Variants in C1orf141 observed in about 807,000 individuals in gnomAD.
C1orf141 encodes the protein chromosome 1 open reading frame 141, also known as uncharacterized protein C1orf141.
In C1orf141, 19 loss-of-function variants were observed where a neutral mutation model predicts 23.2. The observed-to-expected ratio is 0.82, with a 90% CI of 0.57 to 1.20. C1orf141 has a LOEUF of 1.20. C1orf141 is among the 50% of genes most tolerant of loss of function. The pLI is 0.00. For synonymous variants in C1orf141, 153 were observed against 154.6 expected (o/e 0.99, Z 0.08); for missense variants, 469 against 455.1 (o/e 1.03, Z -0.28).
At chr1:67,126,540 G>A (rs1250480271) in intron 3 of C1orf141, among the ~76,000 whole-genome samples, 2 of 152,222 alleles carry the variant, frequency 1.3e-5, no homozygotes, top group East Asian at 3.8e-4. Flanking sequence ...TCTGCCAATA[G>A]ATGGAGCACT....
chr1:67,113,945 A>C (rs1212729789), intron 5 of C1orf141, among the ~76,000 whole-genome samples: 1 of 152,224 alleles, frequency 6.6e-6, no homozygotes, highest in Non-Finnish European at 1.5e-5. Context: ...GGAGAAGATA[A>C]GAACTCAGAT....
At chr1:67,109,137 C>A (rs144988878) in intron 5 of C1orf141, among the ~76,000 whole-genome samples, 2,262 of 152,036 alleles carry the variant, frequency 0.015, 45 homozygotes, top group Middle Eastern at 0.027. Flanking sequence ...ACCATCCTGG[C>A]TAACACGGTG....
In C1orf141 at chr1:67,108,101, C is replaced by T. The variant is rs192205190; in HGVS notation, c.346+7251G>A. 4.6e-3 allele frequency among the ~76,000 whole-genome samples: 701 copies of T among 152,290 alleles called. 5 individuals carry two copies. Among genetic ancestry groups the T allele is most frequent in the Middle Eastern group, 0.01 (3 of 294 alleles). On this transcript the variant is annotated intron_variant, in intron 5 of 7. Transcript: ENST00000684719. ...TGGAAAAATTAACCCCATCTTCATT[C>T]TTAAATATCACAAATAAAAATGTAC...
At chr1:67,114,069 A>G (rs959496604) in intron 5 of C1orf141, among the ~76,000 whole-genome samples, 26 of 152,156 alleles carry the variant, frequency 1.7e-4, no homozygotes, top group Admixed American at 1.3e-4. Context: ...AAAGCTGACC[A>G]AAGGTCCAAA....
chr1:67,137,749 G>A (rs1646598169), upstream of C1orf141, among the ~76,000 whole-genome samples: 1 of 152,194 alleles, frequency 6.6e-6, no homozygotes. Context: ...AGAAGGCAAG[G>A]GCAAAGGCCG....
chr1:67,100,633 T>A (rs1645775952), intron 5 of C1orf141, among the ~76,000 whole-genome samples: 1 of 152,172 alleles, frequency 6.6e-6, no homozygotes, highest in African/African-American at 2.4e-5. Context: ...CTCTCTTTGC[T>A]AAGGAATTTT....
intron 5 of C1orf141, among the ~76,000 whole-genome samples, chr1:67,097,186 C>T (rs538608771): frequency 2.0e-5 from 3 of 151,882 alleles, no homozygotes; most frequent in South Asian, 4.2e-4. Flanking sequence ...TACTAAGACC[C>T]CCATCTCAAA....
chr1:67,109,433 T>C (rs944658552), intron 5 of C1orf141, among the ~76,000 whole-genome samples: 2 of 150,894 alleles, frequency 1.3e-5, no homozygotes, highest in Non-Finnish European at 2.9e-5. Flanking sequence ...AGTAGGCTTA[T>C]AGGTAACAGG....
At chr1:67,123,790 T>A (rs901497619) in intron 4 of C1orf141, 1 of 152,238 alleles carries the variant, frequency 6.6e-6, no homozygotes, top group Admixed American at 6.5e-5. Context: ...CACGGTTTCA[T>A]CAATGGTGGC....
chr1:67,092,410 CTTTTA>C lies in C1orf141; in HGVS notation c.*590_*594del, dbSNP rs1459779952. The C allele has an allele frequency of 6.6e-6, 1 of 152,128 alleles. No individual in the cohort carries two copies. The highest frequency in any genetic ancestry group is 6.5e-5 in the Admixed American group (1 of 15,272). 9.4% of individuals were successfully genotyped at this position (152,128 alleles called of 1,614,324 possible). A position where few individuals can be genotyped will look rare whatever the true frequency, so the allele number is the denominator to read the frequency against. Reference sequence around the variant, plus strand: ...ATTATTTAGATTAAGGATAGTTATTCTTTTATTTAACAATTTAGAAAAAAGTTAAA... The same window carrying C: ...ATTATTTAGATTAAGGATAGTTATTCTTTAACAATTTAGAAAAAAGTTAAA... On this transcript the variant is annotated 3_prime_UTR_variant, in exon 8 of 8. Coordinates refer to ENST00000684719, the MANE Select transcript of C1orf141 (RefSeq NM_001276351.2).
chr1:67,119,346 T>A (rs899088575), intron 4 of C1orf141, among the ~76,000 whole-genome samples: 1 of 152,206 alleles, frequency 6.6e-6, no homozygotes, highest in South Asian at 2.1e-4. Context: ...GTTTTAGTAT[T>A]TTGTGGAATG....
rs559410800 is a variant in C1orf141 at position 67,106,395 on chromosome 1, C to T, written c.346+8957G>A. On this transcript the variant is annotated intron_variant, in intron 5 of 7. Coordinates refer to ENST00000684719, the MANE Select transcript of C1orf141 (RefSeq NM_001276351.2). The stretch of plus-strand genomic sequence containing the variant: ...GGCACGGCAGCTCATGCCTGTTATC[C>T]CAGCCCTTTAAGAGGCTGAGGCGGG... 2.8e-4 allele frequency among the ~76,000 whole-genome samples: 43 copies of T among 152,208 alleles called. 1 individual carries two copies. The South Asian group carries it at 2.9e-3, about 10-fold the overall frequency.
At chr1:67,110,836 A>C (rs1370032130) in intron 5 of C1orf141, among the ~76,000 whole-genome samples, 2 of 150,532 alleles carry the variant, frequency 1.3e-5, no homozygotes, top group Non-Finnish European at 1.5e-5. Flanking sequence ...AATATTTTTT[A>C]AATTATAAAA....
At chr1:67,137,492 G>C (rs978032481), upstream of C1orf141, among the ~76,000 whole-genome samples, 1 of 152,112 alleles carries the variant, frequency 6.6e-6, no homozygotes, top group Non-Finnish European at 1.5e-5. Context: ...AGGCATAATC[G>C]GTTGATTAAC....
At chr1:67,113,213 C>T (rs1646115895) in intron 5 of C1orf141, among the ~76,000 whole-genome samples, 1 of 152,012 alleles carries the variant, frequency 6.6e-6, no homozygotes, top group African/African-American at 2.4e-5. Context: ...CTCCTGACCT[C>T]AAGTGATCTG....
intron 1 of C1orf141, among the ~76,000 whole-genome samples, chr1:67,132,102 A>G (rs1646526201): frequency 6.6e-6 from 1 of 150,458 alleles, no homozygotes; most frequent in African/African-American, 2.5e-5. Context: ...TTTCCTTGGC[A>G]TTGTCTCATT....
chr1:67,118,297 A>G (rs1260301170), intron 4 of C1orf141, among the ~76,000 whole-genome samples: 2 of 152,212 alleles, frequency 1.3e-5, no homozygotes, highest in Non-Finnish European at 2.9e-5. Flanking sequence ...TGGTGGGGGA[A>G]AAAAGAAAAA....
upstream of C1orf141, chr1:67,139,016 A>G (rs1646609375): frequency 6.6e-6 from 1 of 152,298 alleles, no homozygotes; most frequent in South Asian, 2.1e-4. Flanking sequence ...GCCTTATGCT[A>G]TGGGAGCCAC....
At chr1:67,105,096 G>A (rs1004395697) in intron 5 of C1orf141, among the ~76,000 whole-genome samples, 4 of 152,034 alleles carry the variant, frequency 2.6e-5, no homozygotes, top group African/African-American at 9.7e-5. Flanking sequence ...GGAGGCCGAG[G>A]CGGGTGGATC....
Sources: gnomAD v4.1 joint callset for allele counts (sites outside exome capture counted in the v4.1 genomes callset) on GRCh38, gnomAD v4.1.1 for gene constraint, MANE v1.5 for transcripts, NCBI Gene and HGNC (gene_info 2026-07-23, HGNC 2026-07-21) for gene names.